INPP4A: variants seen among roughly 807,000 people sequenced by gnomAD.
The protein encoded by INPP4A is inositol polyphosphate-4-phosphatase, type I, 107kD.
INPP4A carries 33 observed loss-of-function variants against 119.8 expected under a neutral mutation model. The ratio of observed to expected loss-of-function variants is 0.28; its 90% CI spans 0.21 to 0.37. The LOEUF is 0.37. INPP4A is among the 10% of genes least tolerant of loss of function. The pLI is 1.00. For synonymous variants in INPP4A, 496 were observed against 500.7 expected (o/e 0.99, Z 0.12); for missense variants, 956 against 1,289.9 (o/e 0.74, Z 3.97).
At chr2:98,460,136 T>TGTGTGTGTG (rs1558872495) in intron 1 of INPP4A, among the ~76,000 whole-genome samples, 2 of 152,014 alleles carry the variant, frequency 1.3e-5, no homozygotes, top group African/African-American at 4.8e-5. Flanking sequence ...TGTGTGTATG[T>TGTGTGTGTG]TTAAAATTAA....
At chr2:98,459,112 C>T (rs1696672866) in intron 1 of INPP4A, among the ~76,000 whole-genome samples, 1 of 152,216 alleles carries the variant, frequency 6.6e-6, no homozygotes, top group Non-Finnish European at 1.5e-5. Flanking sequence ...CTTTGTCCTT[C>T]GGAAATGCCG....
intron 1 of INPP4A, among the ~76,000 whole-genome samples, chr2:98,507,191 C>T (rs926240505): frequency 2.6e-5 from 4 of 152,222 alleles, no homozygotes; most frequent in African/African-American, 7.2e-5. Flanking sequence ...CAAGGTTATG[C>T]GTGACTGATC....
intron 23 of INPP4A, among the ~76,000 whole-genome samples, chr2:98,574,273 G>A: frequency 6.6e-6 from 1 of 152,052 alleles, no homozygotes; most frequent in Non-Finnish European, 1.5e-5. Flanking sequence ...TGGCCAGGCT[G>A]TGACAGCCTC....
intron 1 of INPP4A, among the ~76,000 whole-genome samples, chr2:98,488,943 G>C (rs1680122858): frequency 7.1e-6 from 1 of 141,442 alleles, no homozygotes; most frequent in Non-Finnish European, 1.5e-5. Flanking sequence ...CACTGTGTGT[G>C]TGTGTGTGTG....
chr2:98,471,054 G>A (rs1456121104), intron 1 of INPP4A, among the ~76,000 whole-genome samples: 1 of 152,202 alleles, frequency 6.6e-6, no homozygotes, highest in Non-Finnish European at 1.5e-5. Context: ...TTGTTGACCT[G>A]TAGTTTCAGA....
At chr2:98,445,175 C>T (rs1693967992) in intron 1 of INPP4A, 90 bp downstream of exon 1, 2 of 152,020 alleles carry the variant, frequency 1.3e-5, no homozygotes, top group South Asian at 2.0e-4. Flanking sequence ...GCGTCCAGGT[C>T]CCCGCTGGGG....
chr2:98,476,270 A>G (rs1677180502), intron 1 of INPP4A, among the ~76,000 whole-genome samples: 2 of 152,240 alleles, frequency 1.3e-5, no homozygotes, highest in African/African-American at 4.8e-5. Flanking sequence ...TTGCCAGGAC[A>G]CACAAGCCAG....
chr2:98,551,360 A>G (rs1299655998), intron 13 of INPP4A, among the ~76,000 whole-genome samples: 1 of 152,200 alleles, frequency 6.6e-6, no homozygotes, highest in Non-Finnish European at 1.5e-5. Flanking sequence ...TAGTGTGCAC[A>G]TCATGCTGTG....
Position 98,566,031 on chromosome 2 carries a change from A to T in INPP4A, c.2282A>T (p.Asp761Val), listed in dbSNP as rs1696366453. 1 of 1,605,104 alleles carries T rather than the reference A, an allele frequency of 6.2e-7. No homozygotes were observed. Residue 761 changes from aspartate (D) to valine (V), a missense_variant and splice_region_variant, in exon 21 of 25, where the codon GAC becomes GTC. Asp to Val is a radical substitution (Grantham distance 152). Coordinates refer to ENST00000409851, the MANE Select transcript of INPP4A (RefSeq NM_001134225.2). The surrounding 1 kb of genome is among the most constrained non-coding windows in gnomAD (Gnocchi z 4.2). ...DMLPVITGNRDGFNVRVPLPG... is the reference protein window; with the variant it reads ...DMLPVITGNRVGFNVRVPLPG... The stretch of plus-strand genomic sequence containing the variant: ...TCCCTCTCTCCACCTTTCTCCAGCG[A>T]CGGGTTTAACGTGCGGGTCCCTCTG...
At chr2:98,459,353 T>C (rs1696723767) in intron 1 of INPP4A, among the ~76,000 whole-genome samples, 2 of 152,124 alleles carry the variant, frequency 1.3e-5, no homozygotes, top group African/African-American at 4.8e-5. Context: ...GGGTCGCTGC[T>C]GAGTAGCCAA....
intron 1 of INPP4A, among the ~76,000 whole-genome samples, chr2:98,515,535 A>G (rs1685950374): frequency 6.6e-6 from 1 of 152,088 alleles, no homozygotes; most frequent in Non-Finnish European, 1.5e-5. Context: ...GATAGTTCAT[A>G]TTTCATCTCC....
intron 1 of INPP4A, among the ~76,000 whole-genome samples, chr2:98,501,535 C>CA (rs954083743): frequency 2.0e-5 from 3 of 151,858 alleles, no homozygotes; most frequent in African/African-American, 7.3e-5. Flanking sequence ...AGAACCCCCC[C>CA]AGCCCCCCAT....
chr2:98,490,751 T>TC (rs1275647147), intron 1 of INPP4A, among the ~76,000 whole-genome samples: 1 of 152,152 alleles, frequency 6.6e-6, no homozygotes, highest in African/African-American at 2.4e-5. Flanking sequence ...GGCCAGAATC[T>TC]CCAACAGTCA....
chr2:98,524,707 TAAA>T (rs1687869109), intron 4 of INPP4A, among the ~76,000 whole-genome samples: 1 of 152,106 alleles, frequency 6.6e-6, no homozygotes, highest in Non-Finnish European at 1.5e-5. Context: ...CTTTGTAACT[TAAA>T]GAAGAGACAA....
chr2:98,527,694 C>T (rs1427779373), intron 4 of INPP4A, among the ~76,000 whole-genome samples: 3 of 152,194 alleles, frequency 2.0e-5, no homozygotes, highest in African/African-American at 7.2e-5. Flanking sequence ...ATTGAAAATG[C>T]ACCCCAGTAT....
At chr2:98,461,860 G>A (rs1253167357) in intron 1 of INPP4A, among the ~76,000 whole-genome samples, 1 of 152,244 alleles carries the variant, frequency 6.6e-6, no homozygotes, top group Non-Finnish European at 1.5e-5. Flanking sequence ...CTGCCAGGCT[G>A]TGCTGCAGAT....
At chr2:98,498,129 G>A (rs1682402535) in intron 1 of INPP4A, among the ~76,000 whole-genome samples, 1 of 152,068 alleles carries the variant, frequency 6.6e-6, no homozygotes, top group East Asian at 1.9e-4. Context: ...AGATTTGATA[G>A]GGGCCAGGGG....
At chr2:98,552,431 T>G (rs80051375) in intron 13 of INPP4A, among the ~76,000 whole-genome samples, 1 of 152,228 alleles carries the variant, frequency 6.6e-6, no homozygotes, top group South Asian at 2.1e-4. Flanking sequence ...ACTTAAGTAC[T>G]GCTTATAAGT....
At chr2:98,486,220 C>A (rs1679509284) in intron 1 of INPP4A, among the ~76,000 whole-genome samples, 1 of 152,172 alleles carries the variant, frequency 6.6e-6, no homozygotes, top group African/African-American at 2.4e-5. Context: ...TAATTGGGCC[C>A]ATTTCTATGG....
Sources: allele counts gnomAD v4.1 joint callset (sites outside exome capture counted in the v4.1 genomes callset), GRCh38; gene constraint gnomAD v4.1.1; non-coding constraint Gnocchi (gnomAD v3.1); transcripts MANE v1.5; gene names NCBI Gene and HGNC (gene_info 2026-07-23, HGNC 2026-07-21).